The following ERBB4 variants were observed in gnomAD, a reference collection of about 807,000 sequenced individuals.
The protein encoded by ERBB4 is erb-b2 receptor tyrosine kinase 4.
A neutral mutation model predicts 158.0 loss-of-function variants in ERBB4; 42 were observed. That is an observed-to-expected ratio of 0.27 (90% CI 0.21 to 0.34). The LOEUF is 0.34. Ranked by LOEUF, ERBB4 falls within the 10% of genes least tolerant of loss-of-function variation. The pLI is 1.00. For missense variants in ERBB4, 1,333 were observed against 1,624.1 expected, an observed-to-expected ratio of 0.82 and a Z score of 3.08; for synonymous variants, 583 against 558.7, an observed-to-expected ratio of 1.04 and a Z score of -0.61.
chr2:211,458,570 T>C (rs895901258), intron 20 of ERBB4, among the ~76,000 whole-genome samples: 1 of 152,128 alleles, frequency 6.6e-6, no homozygotes, highest in African/African-American at 2.4e-5. Flanking sequence ...TGGCCAACAC[T>C]AAATAAACTC....
At chr2:211,694,754 G>T (rs2072952425) in intron 12 of ERBB4, among the ~76,000 whole-genome samples, 1 of 152,044 alleles carries the variant, frequency 6.6e-6, no homozygotes, top group African/African-American at 2.4e-5. Flanking sequence ...AGAATTCATT[G>T]ATTTCCCAGG....
At chr2:211,521,254 A>G (rs2066178100) in intron 20 of ERBB4, among the ~76,000 whole-genome samples, 1 of 152,118 alleles carries the variant, frequency 6.6e-6, no homozygotes, top group Non-Finnish European at 1.5e-5. Flanking sequence ...TAAAAGTGCT[A>G]CTCCAGTGAA....
chr2:211,970,491 C>T (rs1320878750), intron 2 of ERBB4, among the ~76,000 whole-genome samples: 3 of 152,072 alleles, frequency 2.0e-5, no homozygotes, highest in Non-Finnish European at 2.9e-5. Flanking sequence ...AAGTCTCCCA[C>T]TATTATTGTG....
At chr2:211,967,710 G>A (rs1389834155) in intron 2 of ERBB4, among the ~76,000 whole-genome samples, 2 of 151,972 alleles carry the variant, frequency 1.3e-5, no homozygotes, top group African/African-American at 2.4e-5. Context: ...AAGCATCAAT[G>A]TGAAGGGTCA....
intron 25 of ERBB4, among the ~76,000 whole-genome samples, chr2:211,391,349 G>T (rs2062794736): frequency 6.6e-6 from 1 of 152,204 alleles, no homozygotes; most frequent in East Asian, 1.9e-4. Flanking sequence ...AATGCTCTCA[G>T]TTAAAAGCTT....
intron 1 of ERBB4, 75 bp from the exon 2 acceptor site, chr2:212,124,978 A>T: frequency 6.5e-7 from 1 of 1,530,192 alleles, no homozygotes; most frequent in Middle Eastern, 1.7e-4. Context: ...TCTTTCTCAA[A>T]ACTCTCTATT....
chr2:211,453,695 A>T (rs992276314), intron 20 of ERBB4, among the ~76,000 whole-genome samples: 2 of 152,212 alleles, frequency 1.3e-5, no homozygotes, highest in African/African-American at 4.8e-5. Context: ...AGTCTGTAGC[A>T]GACAGGCAGA....
chr2:211,470,979 C>A (rs1186708847), intron 20 of ERBB4, among the ~76,000 whole-genome samples: 1 of 152,196 alleles, frequency 6.6e-6, no homozygotes, highest in Non-Finnish European at 1.5e-5. Flanking sequence ...TATGATGAGA[C>A]TGTGCCATTT....
At chr2:212,036,081 T>C (rs773645169) in intron 2 of ERBB4, among the ~76,000 whole-genome samples, 39 of 152,182 alleles carry the variant, frequency 2.6e-4, no homozygotes, top group Non-Finnish European at 5.1e-4. Flanking sequence ...ATAATTAATA[T>C]GCTAAATCTT....
chr2:212,276,549 A>C (rs546413907), intron 1 of ERBB4, among the ~76,000 whole-genome samples: 1 of 151,912 alleles, frequency 6.6e-6, no homozygotes, highest in Admixed American at 6.6e-5. Flanking sequence ...AATGAGAAGA[A>C]AGTTTTTTGC....
At chr2:211,800,466 T>C (rs182835136) in intron 3 of ERBB4, among the ~76,000 whole-genome samples, 1 of 152,140 alleles carries the variant, frequency 6.6e-6, no homozygotes, top group Non-Finnish European at 1.5e-5. Context: ...GCGTGAGTAA[T>C]CTAAATGGAA....
chr2:211,728,001 T>C (rs1032506463), intron 5 of ERBB4, among the ~76,000 whole-genome samples: 1 of 151,970 alleles, frequency 6.6e-6, no homozygotes, highest in Non-Finnish European at 1.5e-5. Context: ...AAATAAATTA[T>C]TTCTTCTATT....
chr2:212,384,920 T>TATATATATATATATATATAC (rs764463489), intron 1 of ERBB4, among the ~76,000 whole-genome samples: 3 of 123,774 alleles, frequency 2.4e-5, no homozygotes, highest in Non-Finnish European at 5.0e-5. Flanking sequence ...TATATATATA[T>TATATATATATATATATATAC]ACACACACAC....
At chr2:212,432,724 A>G (rs2092055165) in intron 1 of ERBB4, among the ~76,000 whole-genome samples, 1 of 152,164 alleles carries the variant, frequency 6.6e-6, no homozygotes, top group African/African-American at 2.4e-5. Context: ...AACACATTTA[A>G]CATCATTAAT....
intron 2 of ERBB4, among the ~76,000 whole-genome samples, chr2:212,119,092 T>C (rs72939812): frequency 0.11 from 16,147 of 152,044 alleles, 1,265 homozygotes; most frequent in African/African-American, 0.22. Context: ...AATTACGATA[T>C]TGTAACTATT....
Position 211,963,107 on chromosome 2 carries a change from T to C in ERBB4, c.235-15491A>G, listed in dbSNP as rs16847348. Among the ~76,000 whole-genome samples the C allele has an allele frequency of 9.4e-3, 1,427 of 152,212 alleles. 51 individuals are homozygous for C. The highest frequency in any genetic ancestry group is 0.053 in the Admixed American group (814 of 15,256). On this transcript the variant is annotated intron_variant, in intron 2 of 27. Coordinates refer to ENST00000342788, the MANE Select transcript of ERBB4 (RefSeq NM_005235.3). ...GATGGGTGTCAGGTTATAATATTGTTCACATAGGTCCAAAACAGTGGTTCT... is the reference window on the plus strand; with the variant it reads ...GATGGGTGTCAGGTTATAATATTGTCCACATAGGTCCAAAACAGTGGTTCT...
chr2:212,206,376 T>C (rs769290226), intron 1 of ERBB4, among the ~76,000 whole-genome samples: 1 of 152,164 alleles, frequency 6.6e-6, no homozygotes, highest in Admixed American at 6.5e-5. Flanking sequence ...GTTACATTTG[T>C]AAAATGTTTT....
intron 3 of ERBB4, among the ~76,000 whole-genome samples, chr2:211,832,562 ATATG>A (rs1411955929): frequency 6.9e-6 from 1 of 144,270 alleles, no homozygotes; most frequent in South Asian, 2.3e-4. Context: ...TTAAATAAAT[ATATG>A]TATGTGTGTG....
At chr2:212,342,015 T>C (rs942403120) in intron 1 of ERBB4, among the ~76,000 whole-genome samples, 5 of 151,926 alleles carry the variant, frequency 3.3e-5, no homozygotes, top group Non-Finnish European at 7.4e-5. Flanking sequence ...TCCCAACACG[T>C]TGGGAGGTCA....
Sources: gnomAD v4.1 joint callset for allele counts (sites outside exome capture counted in the v4.1 genomes callset) on GRCh38, gnomAD v4.1.1 for gene constraint, MANE v1.5 for transcripts, NCBI Gene and HGNC (gene_info 2026-07-23, HGNC 2026-07-21) for gene names.